ZNF407: variants seen among roughly 807,000 people sequenced by gnomAD.
ZNF407 encodes the protein zinc finger protein 407.
Under a neutral mutation model 131.2 loss-of-function variants are expected in ZNF407, and 17 were observed. The observed-to-expected ratio is 0.13, with a 90% CI of 0.09 to 0.19. The LOEUF is 0.19. Ranked by LOEUF, ZNF407 falls within the 10% of genes least tolerant of loss-of-function variation. The pLI is 1.00. For missense variants in ZNF407, 2,681 were observed against 2,830.6 expected, an observed-to-expected ratio of 0.95 and a Z score of 1.20; for synonymous variants, 1,156 against 1,062.0, an observed-to-expected ratio of 1.09 and a Z score of -1.72.
At chr18:75,056,920 G>A (rs879837000) in intron 8 of ZNF407, among the ~76,000 whole-genome samples, 1 of 151,862 alleles carries the variant, frequency 6.6e-6, no homozygotes, top group African/African-American at 2.4e-5. Context: ...TGTTAATATT[G>A]TTTCATTTTA....
chr18:74,663,819 C>T (rs1308579641), intron 3 of ZNF407, among the ~76,000 whole-genome samples: 2 of 152,100 alleles, frequency 1.3e-5, no homozygotes, highest in African/African-American at 4.8e-5. Flanking sequence ...GAGGTACACA[C>T]CGTCATTGCA....
At chr18:74,958,800 G>C (rs1294701312) in intron 8 of ZNF407, among the ~76,000 whole-genome samples, 1 of 152,162 alleles carries the variant, frequency 6.6e-6, no homozygotes, top group East Asian at 1.9e-4. Context: ...TGAAATCAAA[G>C]ATTTTAGCAG....
intron 4 of ZNF407, among the ~76,000 whole-genome samples, chr18:74,789,697 C>A (rs1378517152): frequency 3.3e-5 from 5 of 152,198 alleles, no homozygotes; most frequent in Non-Finnish European, 7.3e-5. Context: ...CGTCCTGGAA[C>A]TCCACCTCCT....
chr18:74,601,325 ATGTCTGTGTGTGTGTGTGTGTGTGTG>A (rs1982571730), intron 1 of ZNF407, among the ~76,000 whole-genome samples: 1 of 95,062 alleles, frequency 1.1e-5, no homozygotes, highest in Non-Finnish European at 2.1e-5. Flanking sequence ...GTGTGTGTGT[ATGTCTGTGTGTGTGTGTGTGTGTGTG>A]TGTGTGTGTG....
At chr18:74,734,337 A>G (rs1447143189) in intron 3 of ZNF407, among the ~76,000 whole-genome samples, 1 of 152,184 alleles carries the variant, frequency 6.6e-6, no homozygotes, top group Non-Finnish European at 1.5e-5. Flanking sequence ...TAGACCTTGT[A>G]CCTCAATCGG....
chr18:74,658,784 T>C (rs967691304), intron 3 of ZNF407, among the ~76,000 whole-genome samples: 3 of 152,196 alleles, frequency 2.0e-5, no homozygotes, highest in African/African-American at 7.2e-5. Context: ...GATTTTTTGC[T>C]TGGAGTGTTC....
At chr18:74,676,244 G>A (rs1568160932) in intron 3 of ZNF407, among the ~76,000 whole-genome samples, 1 of 151,270 alleles carries the variant, frequency 6.6e-6, no homozygotes. Flanking sequence ...GATGCATGCT[G>A]CCACGCCCGG....
At chr18:74,803,815 T>C in intron 4 of ZNF407, 1 of 734,448 alleles carries the variant, frequency 1.4e-6, no homozygotes, top group Non-Finnish European at 2.2e-6. Context: ...ATGACAGAGA[T>C]AATGTGGTTT....
At chr18:74,614,753 T>A (rs1983212279) in intron 1 of ZNF407, among the ~76,000 whole-genome samples, 1 of 152,228 alleles carries the variant, frequency 6.6e-6, no homozygotes, top group Non-Finnish European at 1.5e-5. Context: ...TCTGTAATTC[T>A]CTTGTTTTAC....
At chr18:74,954,032 G>A (rs1355304331) in intron 8 of ZNF407, among the ~76,000 whole-genome samples, 1 of 152,162 alleles carries the variant, frequency 6.6e-6, no homozygotes, top group Non-Finnish European at 1.5e-5. Flanking sequence ...CCACATAAAT[G>A]TATTTTACAC....
chr18:74,909,784 TC>T (rs1971644348), intron 7 of ZNF407, among the ~76,000 whole-genome samples: 1 of 152,212 alleles, frequency 6.6e-6, no homozygotes, highest in Admixed American at 6.5e-5. Context: ...GTATTTATGA[TC>T]TTTTGACTTG....
At chr18:74,934,136 T>C (rs1175646861) in intron 8 of ZNF407, among the ~76,000 whole-genome samples, 1 of 152,226 alleles carries the variant, frequency 6.6e-6, no homozygotes, top group Non-Finnish European at 1.5e-5. Context: ...GTCAGTGTGA[T>C]TGACAGGAAG....
intron 3 of ZNF407, among the ~76,000 whole-genome samples, chr18:74,665,961 T>C (rs1167826559): frequency 6.6e-6 from 1 of 152,174 alleles, no homozygotes; most frequent in Non-Finnish European, 1.5e-5. Flanking sequence ...GAGGGCAACG[T>C]TGCCACCGTT....
At chr18:74,803,252 T>A (rs538831579) in intron 4 of ZNF407, among the ~76,000 whole-genome samples, 12 of 152,274 alleles carry the variant, frequency 7.9e-5, no homozygotes, top group Admixed American at 2.6e-4. Context: ...GGAGATGGAT[T>A]TGGGGCTGAC....
chr18:74,694,233 G>A (rs1314498379), intron 3 of ZNF407, among the ~76,000 whole-genome samples: 1 of 152,044 alleles, frequency 6.6e-6, no homozygotes, highest in Non-Finnish European at 1.5e-5. Flanking sequence ...AAGTCTTTTA[G>A]AGCAAGTCTG....
At chr18:74,743,194 G>A (rs1186447887) in intron 3 of ZNF407, among the ~76,000 whole-genome samples, 1 of 152,164 alleles carries the variant, frequency 6.6e-6, no homozygotes, top group African/African-American at 2.4e-5. Context: ...ATTACAATGT[G>A]GGAGGGAAGG....
chr18:75,003,994 C>T (rs937022633), intron 8 of ZNF407, among the ~76,000 whole-genome samples: 3 of 152,184 alleles, frequency 2.0e-5, no homozygotes, highest in Non-Finnish European at 2.9e-5. Context: ...CTCCCCTCTC[C>T]CCAAAGGCCG....
At chr18:74,693,686 G>A (rs1043034629) in intron 3 of ZNF407, among the ~76,000 whole-genome samples, 6 of 152,006 alleles carry the variant, frequency 3.9e-5, no homozygotes, top group African/African-American at 1.4e-4. Context: ...GTATTTCGAA[G>A]TACCTTGGTT....
At chr18:74,763,500 C>G (rs987493728) in intron 3 of ZNF407, among the ~76,000 whole-genome samples, 1 of 151,184 alleles carries the variant, frequency 6.6e-6, no homozygotes, top group Non-Finnish European at 1.5e-5. Flanking sequence ...GAAATCTTTA[C>G]CTAGATGAAG....
Sources: allele counts gnomAD v4.1 joint callset (sites outside exome capture counted in the v4.1 genomes callset), GRCh38; gene constraint gnomAD v4.1.1; transcripts MANE v1.5; gene names NCBI Gene and HGNC (gene_info 2026-07-23, HGNC 2026-07-21).